The following CCR3 variants were observed in gnomAD, a reference collection of about 807,000 sequenced individuals.
CCR3 encodes the protein C-C chemokine receptor type 3.
For synonymous variants in CCR3, 203 were observed against 179.2 expected (o/e 1.13, Z -1.06); for missense variants, 419 against 437.5 (o/e 0.96, Z 0.38).
At chr3:46,243,390 T>C (rs147022212) in intron 1 of CCR3, among the ~76,000 whole-genome samples, 93 of 152,238 alleles carry the variant, frequency 6.1e-4, no homozygotes, top group African/African-American at 2.1e-3. Flanking sequence ...TGTGTGTGCA[T>C]TAAGTATGTA....
chr3:46,255,276 T>C (rs1356384205), intron 1 of CCR3, among the ~76,000 whole-genome samples: 1 of 152,188 alleles, frequency 6.6e-6, no homozygotes, highest in African/African-American at 2.4e-5. Flanking sequence ...TTTGAGTTCC[T>C]TGTAGATTCT....
At chr3:46,227,899 A>G (rs1037403687) in intron 2 of CCR3, among the ~76,000 whole-genome samples, 1 of 152,076 alleles carries the variant, frequency 6.6e-6, no homozygotes, top group African/African-American at 2.4e-5. Context: ...CATAATTTTA[A>G]TGAAAAAACT....
intron 2 of CCR3, among the ~76,000 whole-genome samples, chr3:46,212,936 G>A (rs1352837822): frequency 6.6e-6 from 1 of 152,206 alleles, no homozygotes; most frequent in Non-Finnish European, 1.5e-5. Flanking sequence ...GGAGACCTGT[G>A]TTGAAACCTC....
chr3:46,245,639 G>A (rs1700175173), intron 1 of CCR3, among the ~76,000 whole-genome samples: 1 of 151,926 alleles, frequency 6.6e-6, no homozygotes, highest in Admixed American at 6.6e-5. Flanking sequence ...GGGGTTTGTT[G>A]TACAGATTAT....
upstream of CCR3, among the ~76,000 whole-genome samples, chr3:46,238,002 T>G (rs1336204376): frequency 2.0e-5 from 3 of 152,246 alleles, no homozygotes; most frequent in African/African-American, 7.2e-5. Flanking sequence ...GTTAAACACA[T>G]AGTTTCAGAT....
At chr3:46,247,960 G>A (rs943662201) in intron 1 of CCR3, among the ~76,000 whole-genome samples, 5 of 152,184 alleles carry the variant, frequency 3.3e-5, no homozygotes, top group African/African-American at 1.2e-4. Flanking sequence ...ACAATGGAAA[G>A]GAAATGAGAG....
chr3:46,249,783 G>A (rs981137018), intron 1 of CCR3, among the ~76,000 whole-genome samples: 13 of 152,242 alleles, frequency 8.5e-5, no homozygotes, highest in African/African-American at 2.6e-4. Flanking sequence ...CTGGAGGAAC[G>A]CCTGGCCACT....
At chr3:46,218,899 T>C (rs1004877488) in intron 2 of CCR3, among the ~76,000 whole-genome samples, 3 of 152,126 alleles carry the variant, frequency 2.0e-5, no homozygotes, top group African/African-American at 7.2e-5. Context: ...GTTGAAAGCA[T>C]TTTCTCTGAG....
At chr3:46,250,269 G>T (rs748070445) in intron 1 of CCR3, among the ~76,000 whole-genome samples, 3 of 152,120 alleles carry the variant, frequency 2.0e-5, no homozygotes, top group Non-Finnish European at 2.9e-5. Context: ...GAGGAGGTGA[G>T]GCGATAAAAA....
intron 1 of CCR3, among the ~76,000 whole-genome samples, chr3:46,261,620 C>G (rs189652434): frequency 6.6e-6 from 1 of 152,220 alleles, no homozygotes; most frequent in Non-Finnish European, 1.5e-5. Flanking sequence ...ATGGAGCGCT[C>G]TCTGCTAAGA....
In CCR3 at chr3:46,266,241, A is replaced by C; in HGVS notation, c.*15A>C. The C allele has an allele frequency of 1.3e-6, 2 of 1,559,680 alleles. No individual in the cohort carries two copies. Among genetic ancestry groups the C allele is most frequent in the Non-Finnish European group, 1.8e-6 (2 of 1,135,960 alleles). ...TTGTGTTTTAGGTCAGATGCAGAAA[A>C]TTGCCTAAAGAGGAAGGACCAAGGA... On this transcript the variant is annotated 3_prime_UTR_variant, in exon 2 of 2. Coordinates refer to ENST00000395940, the MANE Select transcript of CCR3 (RefSeq NM_178329.3).
chr3:46,232,630 G>A (rs1699978853), intron 2 of CCR3, among the ~76,000 whole-genome samples: 1 of 152,160 alleles, frequency 6.6e-6, no homozygotes, highest in African/African-American at 2.4e-5. Flanking sequence ...GTTCATGGCT[G>A]CACCGGTGGT....
intron 2 of CCR3, among the ~76,000 whole-genome samples, chr3:46,225,754 G>T (rs1284325039): frequency 6.6e-6 from 1 of 151,962 alleles, no homozygotes; most frequent in Non-Finnish European, 1.5e-5. Context: ...TTTTCTAATT[G>T]GAATTTTTGC....
At chr3:46,245,835 A>G (rs1288970502) in intron 1 of CCR3, among the ~76,000 whole-genome samples, 4 of 152,190 alleles carry the variant, frequency 2.6e-5, no homozygotes, top group Non-Finnish European at 5.9e-5. Context: ...TAGTTTGCTA[A>G]GGATAATAGC....
At chr3:46,212,649 A>G (rs1163737295) in intron 2 of CCR3, among the ~76,000 whole-genome samples, 3 of 151,734 alleles carry the variant, frequency 2.0e-5, no homozygotes, top group Non-Finnish European at 1.5e-5. Context: ...CTCACCTCCC[A>G]TTCTACAAAC....
intron 2 of CCR3, among the ~76,000 whole-genome samples, chr3:46,212,833 C>T (rs921041274): frequency 4.6e-5 from 7 of 152,200 alleles, no homozygotes; most frequent in African/African-American, 1.4e-4. Context: ...GCTGCCTCCT[C>T]CCTGAAGCCT....
intron 1 of CCR3, among the ~76,000 whole-genome samples, chr3:46,245,199 G>A (rs1400559838): frequency 1.3e-5 from 2 of 151,816 alleles, no homozygotes; most frequent in Non-Finnish European, 2.9e-5. Flanking sequence ...GTTTGTGGCT[G>A]GAAAGAAGAC....
At chr3:46,224,381 G>A (rs1196275755) in intron 2 of CCR3, among the ~76,000 whole-genome samples, 2 of 152,100 alleles carry the variant, frequency 1.3e-5, no homozygotes, top group Non-Finnish European at 2.9e-5. Context: ...CAGATTACCT[G>A]AGGCCAGGAG....
chr3:46,215,400 C>T (rs1356685869), intron 2 of CCR3, among the ~76,000 whole-genome samples: 1 of 152,096 alleles, frequency 6.6e-6, no homozygotes, highest in African/African-American at 2.4e-5. Context: ...GAAGGTTAGA[C>T]CCAGGAATCT....
Sources: allele counts gnomAD v4.1 joint callset (sites outside exome capture counted in the v4.1 genomes callset), GRCh38; gene constraint gnomAD v4.1.1; transcripts MANE v1.5; gene names NCBI Gene and HGNC (gene_info 2026-07-23, HGNC 2026-07-21).